MYO1E: variants seen among roughly 807,000 people sequenced by gnomAD.
The protein encoded by MYO1E is unconventional myosin-Ie.
Under a neutral mutation model 151.1 loss-of-function variants are expected in MYO1E, and 68 were observed. The observed-to-expected ratio is 0.45, with a 90% CI of 0.37 to 0.55. MYO1E has a LOEUF of 0.55. MYO1E is among the 20% of genes least tolerant of loss of function. MYO1E has a pLI of 0.00. For missense variants in MYO1E, 1,363 were observed against 1,389.3 expected, an observed-to-expected ratio of 0.98 and a Z score of 0.30; for synonymous variants, 601 against 501.7, an observed-to-expected ratio of 1.20 and a Z score of -2.64.
chr15:59,144,917 C>A (rs2079432564), intron 26 of MYO1E, among the ~76,000 whole-genome samples: 1 of 152,208 alleles, frequency 6.6e-6, no homozygotes, highest in Non-Finnish European at 1.5e-5. Flanking sequence ...GATCTCGGCT[C>A]ACCGCAACCT....
chr15:59,201,109 A>G (rs1038400468), intron 16 of MYO1E, among the ~76,000 whole-genome samples: 5 of 144,312 alleles, frequency 3.5e-5, no homozygotes, highest in African/African-American at 1.3e-4. Flanking sequence ...GACAAAAACT[A>G]TTTTTTTTTT....
At chr15:59,349,559 G>T (rs1596437301) in intron 1 of MYO1E, among the ~76,000 whole-genome samples, 1 of 152,136 alleles carries the variant, frequency 6.6e-6, no homozygotes, top group South Asian at 2.1e-4. Flanking sequence ...TCCTTGCCAA[G>T]AATTTTTTCA....
At chr15:59,219,098 C>A (rs60610899) in intron 9 of MYO1E, among the ~76,000 whole-genome samples, 4,185 of 152,248 alleles carry the variant, frequency 0.027, 175 homozygotes, top group African/African-American at 0.092. Flanking sequence ...TGGTATTGTT[C>A]ATATCCTGCC....
intron 18 of MYO1E, among the ~76,000 whole-genome samples, chr15:59,184,907 C>G (rs748420162): frequency 2.0e-5 from 3 of 152,190 alleles, no homozygotes; most frequent in Non-Finnish European, 2.9e-5. Flanking sequence ...TTCCCACCAA[C>G]AGCATACGAT....
Position 59,286,856 on chromosome 15 carries a change from G to T in MYO1E, c.4-14407C>A, listed in dbSNP as rs2080390493. On this transcript the variant is annotated intron_variant, in intron 1 of 27. Transcript: ENST00000288235. ...AGGGCATTGGTCTAGGGGCCTTTAGGGTATCAATGACACATGTTTACAAAC... is the reference window on the plus strand; with the variant it reads ...AGGGCATTGGTCTAGGGGCCTTTAGTGTATCAATGACACATGTTTACAAAC... 2.0e-5 allele frequency among the ~76,000 whole-genome samples: 3 copies of T among 152,084 alleles called. No individual in the cohort carries two copies. In the South Asian group the frequency reaches 6.2e-4, roughly 32 times the overall value.
intron 1 of MYO1E, among the ~76,000 whole-genome samples, chr15:59,338,743 C>G (rs562895697): frequency 6.6e-6 from 1 of 152,172 alleles, no homozygotes; most frequent in Non-Finnish European, 1.5e-5. Flanking sequence ...ATGGGGCAAA[C>G]AGTGCAAGAG....
intron 4 of MYO1E, among the ~76,000 whole-genome samples, chr15:59,249,822 A>T (rs181714117): frequency 6.6e-6 from 1 of 152,046 alleles, no homozygotes. Flanking sequence ...GCACCATTCA[A>T]CTCGGCCCCT....
chr15:59,345,085 G>A (rs747873022), intron 1 of MYO1E, among the ~76,000 whole-genome samples: 9 of 152,034 alleles, frequency 5.9e-5, no homozygotes, highest in African/African-American at 1.4e-4. Flanking sequence ...TTGACCAATC[G>A]GGTAGACAGA....
chr15:59,331,022 G>T (rs538614124), intron 1 of MYO1E, among the ~76,000 whole-genome samples: 1 of 151,938 alleles, frequency 6.6e-6, no homozygotes, highest in Non-Finnish European at 1.5e-5. Flanking sequence ...CTCCTGTGTC[G>T]TCCTCCCACA....
chr15:59,152,609 G>C (rs1338300959), intron 26 of MYO1E, among the ~76,000 whole-genome samples: 1 of 152,166 alleles, frequency 6.6e-6, no homozygotes, highest in African/African-American at 2.4e-5. Flanking sequence ...GTGAGCAGAC[G>C]CCTGCATGCC....
rs1392106239 is a variant in MYO1E at position 59,137,083 on chromosome 15, G to A, written c.*297C>T. 1 of 447,252 alleles carries A rather than the reference G, an allele frequency of 2.2e-6. No homozygotes were observed. The highest frequency in any genetic ancestry group is 4.2e-6 in the Non-Finnish European group (1 of 239,522). 27.7% of individuals were successfully genotyped at this position (447,252 alleles called of 1,614,324 possible). A position where few individuals can be genotyped will look rare whatever the true frequency, so the allele number is the denominator to read the frequency against. On this transcript the variant is annotated 3_prime_UTR_variant, in exon 28 of 28. Transcript: ENST00000288235. The stretch of plus-strand genomic sequence containing the variant: ...GTTTTGATAGAAGCCTACAAGGTCT[G>A]AGCAGACCTCACTTGTCCTCTCACC...
In MYO1E at chr15:59,195,474, A is replaced by C. The variant is rs528984408; in HGVS notation, c.1792T>G (p.Trp598Gly). The change falls in exon 17 of 28, where the codon TGG becomes GGG. Residue 598 changes from tryptophan (W) to glycine (G), a missense_variant. Transcript: ENST00000288235. ...KPNETKKPRD[W>G]EESRVKHQVE... ...TTCCCCCGATACCTGCTTTCCTCCC[A>C]GTCTCTGGGCTTCTTGGTTTCGTTT... is the stretch of plus-strand genomic sequence containing the variant. 1 of 1,613,580 alleles carries C rather than the reference A, an allele frequency of 6.2e-7. No homozygotes were observed. Among genetic ancestry groups the C allele is most frequent in the African/African-American group, 1.3e-5 (1 of 75,022 alleles).
intron 1 of MYO1E, among the ~76,000 whole-genome samples, chr15:59,314,857 G>A (rs745743975): frequency 8.5e-5 from 13 of 152,066 alleles, no homozygotes; most frequent in Non-Finnish European, 1.9e-4. Flanking sequence ...GGAGGTAGAG[G>A]GGCTGAGGAG....
chr15:59,168,341 T>A (rs564611115), intron 22 of MYO1E, among the ~76,000 whole-genome samples: 1 of 151,962 alleles, frequency 6.6e-6, no homozygotes, highest in Admixed American at 6.6e-5. Flanking sequence ...AGCCCAGGAA[T>A]TGGAGACCAG....
At chr15:59,303,674 G>A (rs2080497063) in intron 1 of MYO1E, among the ~76,000 whole-genome samples, 1 of 152,184 alleles carries the variant, frequency 6.6e-6, no homozygotes, top group Non-Finnish European at 1.5e-5. Flanking sequence ...TGGTATCTGC[G>A]AGTAGTGGCA....
At chr15:59,242,503 G>A (rs913494326) in intron 4 of MYO1E, among the ~76,000 whole-genome samples, 2 of 152,102 alleles carry the variant, frequency 1.3e-5, no homozygotes, top group African/African-American at 2.4e-5. Context: ...GAAAGTAAAC[G>A]AGTCAATCAG....
intron 1 of MYO1E, among the ~76,000 whole-genome samples, chr15:59,338,157 G>A (rs1170313011): frequency 2.4e-5 from 3 of 126,578 alleles, no homozygotes; most frequent in Non-Finnish European, 4.9e-5. Context: ...AAGTGTTCAA[G>A]TCTAAAAAAA....
intron 4 of MYO1E, among the ~76,000 whole-genome samples, chr15:59,243,993 G>T (rs2080115099): frequency 6.6e-6 from 1 of 151,636 alleles, no homozygotes; most frequent in Non-Finnish European, 1.5e-5. Context: ...TCCTCCATCG[G>T]ACTTTAGAAT....
At chr15:59,320,422 T>C (rs1348922483) in intron 1 of MYO1E, among the ~76,000 whole-genome samples, 3 of 152,146 alleles carry the variant, frequency 2.0e-5, no homozygotes, top group Admixed American at 6.5e-5. Flanking sequence ...CTTTAAACTA[T>C]AGTATAAGGG....
Sources: allele counts gnomAD v4.1 joint callset (sites outside exome capture counted in the v4.1 genomes callset), GRCh38; gene constraint gnomAD v4.1.1; transcripts MANE v1.5; gene names NCBI Gene and HGNC (gene_info 2026-07-23, HGNC 2026-07-21).